Variants in PIBF1 observed in about 807,000 individuals in gnomAD.
PIBF1 encodes progesterone-induced-blocking factor 1.
In PIBF1, 90 loss-of-function variants were observed where a neutral mutation model predicts 112.5. The observed-to-expected ratio is 0.80, with a 90% CI of 0.67 to 0.95. PIBF1 has a LOEUF of 0.95. PIBF1 is among the 40% of genes least tolerant of loss of function. PIBF1 has a pLI of 0.00. For missense variants in PIBF1, 915 were observed against 852.3 expected, an observed-to-expected ratio of 1.07 and a Z score of -0.92; for synonymous variants, 301 against 288.6, an observed-to-expected ratio of 1.04 and a Z score of -0.44.
chr13:72,830,843 A>G (rs2037070705), intron 8 of PIBF1, among the ~76,000 whole-genome samples: 1 of 152,170 alleles, frequency 6.6e-6, no homozygotes, highest in African/African-American at 2.4e-5. Flanking sequence ...TTCAGAAGGA[A>G]TGGTACCAGC....
intron 15 of PIBF1, among the ~76,000 whole-genome samples, chr13:72,967,961 G>A (rs1183816478): frequency 2.6e-5 from 4 of 151,964 alleles, no homozygotes; most frequent in East Asian, 1.9e-4. Context: ...CGAGGCGGGC[G>A]GATCACGAGG....
chr13:72,803,378 A>G (rs999033304), intron 5 of PIBF1, among the ~76,000 whole-genome samples: 5 of 152,118 alleles, frequency 3.3e-5, no homozygotes, highest in African/African-American at 7.2e-5. Flanking sequence ...ATTGTTAACC[A>G]ACAGTGTAGG....
At chr13:72,895,936 G>C (rs892784737) in intron 11 of PIBF1, among the ~76,000 whole-genome samples, 1 of 152,140 alleles carries the variant, frequency 6.6e-6, no homozygotes, top group Non-Finnish European at 1.5e-5. Flanking sequence ...GTGTTGGGGG[G>C]AGCCAGTGGG....
chr13:72,794,809 A>G (rs755134002), intron 3 of PIBF1, among the ~76,000 whole-genome samples: 4 of 152,228 alleles, frequency 2.6e-5, no homozygotes, highest in Non-Finnish European at 5.9e-5. Flanking sequence ...TATTAGTAGC[A>G]TGAGAGCAGA....
intron 14 of PIBF1, among the ~76,000 whole-genome samples, chr13:72,935,994 T>A (rs2041860845): frequency 6.6e-6 from 1 of 150,848 alleles, no homozygotes; most frequent in South Asian, 2.1e-4. Flanking sequence ...TCTTTTCACC[T>A]CTTAATGATG....
chr13:72,799,407 G>A (rs9530099), intron 5 of PIBF1, among the ~76,000 whole-genome samples: 16,748 of 152,152 alleles, frequency 0.11, 1,263 homozygotes, highest in Non-Finnish European at 0.17. Flanking sequence ...GACAAAATAA[G>A]AAGGCTTAGC....
intron 10 of PIBF1, among the ~76,000 whole-genome samples, chr13:72,855,656 A>G (rs539523638): frequency 6.6e-6 from 1 of 151,976 alleles, no homozygotes; most frequent in Non-Finnish European, 1.5e-5. Flanking sequence ...CTCAAAAAAA[A>G]TTTTTTTAGT....
At chr13:72,908,067 A>G (rs2040762165) in intron 11 of PIBF1, among the ~76,000 whole-genome samples, 1 of 152,216 alleles carries the variant, frequency 6.6e-6, no homozygotes, top group African/African-American at 2.4e-5. Context: ...TCAGAAAACC[A>G]AAAATGTTAT....
At position 72,965,360 on chromosome 13, in the gene PIBF1, T is replaced by G. The variant is rs1454690877; in HGVS notation, c.1920T>G (p.Ile640Met). The G allele has an allele frequency of 6.2e-7, 1 of 1,610,540 alleles. No homozygotes were observed. The highest frequency in any genetic ancestry group is 8.5e-7 in the Non-Finnish European group (1 of 1,177,536). The change falls in exon 15 of 18, where the codon ATT (isoleucine) becomes ATG (methionine). Residue 640 changes from isoleucine to methionine, a missense_variant. Transcript: ENST00000326291. ...CAGTGCGTCAGAGAGATTCTAAGAT[T>G]GATTCACTGACGGAATCTATTGCAC... Reference protein sequence around the residue: ...IESVRQRDSKIDSLTESIAQL... With the variant: ...IESVRQRDSKMDSLTESIAQL...
intron 16 of PIBF1, among the ~76,000 whole-genome samples, chr13:72,993,943 C>G (rs1027820142): frequency 6.6e-6 from 1 of 151,830 alleles, no homozygotes; most frequent in African/African-American, 2.4e-5. Context: ...GTAACACAGT[C>G]TCTACAAAAA....
intron 17 of PIBF1, 133 bp downstream of exon 17, chr13:72,999,128 G>T: frequency 3.4e-6 from 2 of 584,240 alleles, no homozygotes; most frequent in East Asian, 2.9e-5. Flanking sequence ...GACCTTGAAG[G>T]ATTTGCATTA....
chr13:72,848,077 C>T (rs961477554), intron 9 of PIBF1, among the ~76,000 whole-genome samples: 2 of 152,128 alleles, frequency 1.3e-5, no homozygotes, highest in East Asian at 1.9e-4. Context: ...TGCTTAGTTG[C>T]GCCTGCTGAG....
intron 11 of PIBF1, among the ~76,000 whole-genome samples, chr13:72,902,430 AGAATT>A (rs962795233): frequency 1.3e-5 from 2 of 151,508 alleles, no homozygotes; most frequent in East Asian, 3.9e-4. Flanking sequence ...AAAAAAAAAA[AGAATT>A]GATTGTTGGC....
At chr13:72,844,766 C>CGGATGAAGTCTT (rs1371748602) in intron 9 of PIBF1, among the ~76,000 whole-genome samples, 1 of 104,540 alleles carries the variant, frequency 9.6e-6, no homozygotes, top group African/African-American at 3.5e-5. Flanking sequence ...CACACACACA[C>CGGATGAAGTCTT]ACACACACAC....
intron 2 of PIBF1, among the ~76,000 whole-genome samples, chr13:72,785,193 A>C (rs1414260985): frequency 6.6e-6 from 1 of 152,182 alleles, no homozygotes; most frequent in Non-Finnish European, 1.5e-5. Flanking sequence ...AAATAAGCAC[A>C]CAAGACGTAT....
At chr13:73,002,666 T>G (rs1252239606) in intron 17 of PIBF1, among the ~76,000 whole-genome samples, 1 of 152,116 alleles carries the variant, frequency 6.6e-6, no homozygotes, top group Non-Finnish European at 1.5e-5. Flanking sequence ...TTTAGTCTTT[T>G]CACCAAGTAG....
Position 72,973,587 on chromosome 13 carries a change from TCAGCAA to T in PIBF1, c.1965-2_1968del. 1 of 1,514,732 alleles carries T rather than the reference TCAGCAA, an allele frequency of 6.6e-7. No homozygotes were observed. Among genetic ancestry groups the T allele is most frequent in the Admixed American group, 2.2e-5 (1 of 46,178 alleles). The allele number at this position is 1,514,732 out of a possible 1,614,324, so 93.8% of individuals were successfully genotyped here. A position where few individuals can be genotyped will look rare whatever the true frequency, so the allele number is the denominator to read the frequency against. ...CTTTTTAAAACTGGGGTTTTTTTTT[TCAGCAA>T]CTTAAATAAAGAAAAGTCAGCTTTA... is the stretch of plus-strand genomic sequence containing the variant. On this transcript the variant is annotated splice_acceptor_variant and splice_polypyrimidine_tract_variant and coding_sequence_variant and intron_variant, in exon 16 of 18. Transcript: ENST00000326291. LOFTEE classifies it high-confidence loss of function.
chr13:72,819,592 C>G (rs939483630), intron 5 of PIBF1, among the ~76,000 whole-genome samples: 4 of 152,126 alleles, frequency 2.6e-5, no homozygotes, highest in African/African-American at 7.2e-5. Flanking sequence ...CTACTACTTA[C>G]GAGCTCTGAG....
intron 12 of PIBF1, among the ~76,000 whole-genome samples, chr13:72,915,854 C>A (rs930020507): frequency 6.6e-6 from 1 of 152,108 alleles, no homozygotes; most frequent in African/African-American, 2.4e-5. Flanking sequence ...ACAAATGTAT[C>A]CCTATTACAT....
Sources: gnomAD v4.1 joint callset for allele counts (sites outside exome capture counted in the v4.1 genomes callset) on GRCh38, gnomAD v4.1.1 for gene constraint, MANE v1.5 for transcripts, NCBI Gene and HGNC (gene_info 2026-07-23, HGNC 2026-07-21) for gene names.